Variants in MAP3K4 observed in about 807,000 individuals in gnomAD.
MAP3K4 encodes the protein mitogen-activated protein kinase kinase kinase 4, also known as MAP three kinase 1.
A neutral mutation model predicts 185.6 loss-of-function variants in MAP3K4; 67 were observed. That is an observed-to-expected ratio of 0.36 (90% CI 0.30 to 0.44). The LOEUF (loss-of-function observed/expected upper bound fraction) is 0.44, where lower values mean the gene tolerates loss of function less well. Among genes scored for constraint, MAP3K4 ranks in the 20% least tolerant of loss-of-function variants. The pLI is 1.00. For missense variants in MAP3K4, 1,551 were observed against 1,995.1 expected, an observed-to-expected ratio of 0.78 and a Z score of 4.24; for synonymous variants, 702 against 710.4, an observed-to-expected ratio of 0.99 and a Z score of 0.19.
At position 161,084,218 on chromosome 6, in the gene MAP3K4, AATAAC is replaced by A; in HGVS notation, c.2256-280_2256-276del. Among the ~76,000 whole-genome samples the A allele has an allele frequency of 6.6e-6, 1 of 152,206 alleles. No individual in the cohort carries two copies. Among genetic ancestry groups the A allele is most frequent in the East Asian group, 1.9e-4 (1 of 5,202 alleles). On this transcript the variant is annotated intron_variant, in intron 6 of 26. Transcript: ENST00000392142. This position sits in a 1 kb window ranked among gnomAD's most constrained non-coding sequence, Gnocchi z 4.6. ...TATGGAAAATTTCCATTTAGATGGAAATAACATTTGTGTACTAATTCCATAGCTAC... is the reference window on the plus strand; with the variant it reads ...TATGGAAAATTTCCATTTAGATGGAAATTTGTGTACTAATTCCATAGCTAC...
chr6:161,024,754 G>C (rs557249581), intron 1 of MAP3K4, among the ~76,000 whole-genome samples: 2 of 152,234 alleles, frequency 1.3e-5, no homozygotes, highest in East Asian at 3.9e-4. Context: ...TGTTAAGCTT[G>C]ATCGCCTGTT....
At chr6:161,025,424 G>A (rs899937712) in intron 1 of MAP3K4, among the ~76,000 whole-genome samples, 5 of 152,260 alleles carry the variant, frequency 3.3e-5, no homozygotes, top group South Asian at 2.1e-4. Context: ...TCCGTTTTCC[G>A]TCACCAAATA....
intron 2 of MAP3K4, among the ~76,000 whole-genome samples, chr6:161,038,189 A>G (rs1783270660): frequency 6.6e-6 from 1 of 152,196 alleles, no homozygotes; most frequent in Non-Finnish European, 1.5e-5. Flanking sequence ...GAAGATGAAT[A>G]AGACCTAGTT....
Position 161,103,226 on chromosome 6 carries a change from A to G in MAP3K4, c.3856+447A>G, listed in dbSNP as rs1266810771. On this transcript the variant is annotated intron_variant, in intron 19 of 26. Coordinates refer to ENST00000392142, the MANE Select transcript of MAP3K4 (RefSeq NM_005922.4). The surrounding 1 kb of genome is among the most constrained non-coding windows in gnomAD (Gnocchi z 4.6). Reference sequence around the variant, plus strand: ...GCTTTCATGTCTTTTTTTGCTCAACAATATTGAGCAGTAGGCAAAATAGAT... The same window carrying G: ...GCTTTCATGTCTTTTTTTGCTCAACGATATTGAGCAGTAGGCAAAATAGAT... 6.6e-6 allele frequency among the ~76,000 whole-genome samples: 1 copy of G among 152,166 alleles called. No homozygotes were observed. The highest frequency in any genetic ancestry group is 1.5e-5 in the Non-Finnish European group (1 of 68,028).
In MAP3K4 at chr6:161,107,087, G is replaced by A. The variant is rs2114909781; in HGVS notation, c.4048+382G>A. Among the ~76,000 whole-genome samples the A allele has an allele frequency of 6.7e-6, 1 of 148,230 alleles. No individual in the cohort carries two copies. The highest frequency in any genetic ancestry group is 1.5e-5 in the Non-Finnish European group (1 of 67,892). On this transcript the variant is annotated intron_variant, in intron 20 of 26. Transcript: ENST00000392142. This position sits in a 1 kb window ranked among gnomAD's most constrained non-coding sequence, Gnocchi z 6.2. ...ACACACACACACACACACGCAGAAC[G>A]TGATTTGAAGAGAGACTGGATACAA...
At chr6:161,028,864 T>TA in intron 1 of MAP3K4, among the ~76,000 whole-genome samples, 1 of 152,308 alleles carries the variant, frequency 6.6e-6, no homozygotes, top group East Asian at 1.9e-4. Flanking sequence ...TGTTCAGCTG[T>TA]AGATTGATGA....
At chr6:161,015,014 T>C (rs577082542) in intron 1 of MAP3K4, among the ~76,000 whole-genome samples, 1 of 152,212 alleles carries the variant, frequency 6.6e-6, no homozygotes, top group South Asian at 2.1e-4. Context: ...TCATATAATA[T>C]GTGGGTTTTT....
intron 1 of MAP3K4, among the ~76,000 whole-genome samples, chr6:161,006,716 A>C (rs1242965949): frequency 6.6e-6 from 1 of 152,204 alleles, no homozygotes; most frequent in Non-Finnish European, 1.5e-5. Context: ...CAGAATATAC[A>C]CTCACATAAT....
chr6:161,015,296 T>C (rs1401426422), intron 1 of MAP3K4, among the ~76,000 whole-genome samples: 1 of 148,350 alleles, frequency 6.7e-6, no homozygotes, highest in African/African-American at 2.5e-5. Context: ...CAGCACACAC[T>C]GGGGCCTGTT....
chr6:161,003,812 G>T (rs1781445240), intron 1 of MAP3K4, among the ~76,000 whole-genome samples: 1 of 152,018 alleles, frequency 6.6e-6, no homozygotes, highest in Non-Finnish European at 1.5e-5. Context: ...TGTTGTACAA[G>T]ACAAGATTAA....
At position 160,991,964 on chromosome 6, in the gene MAP3K4, T is replaced by C; in HGVS notation, c.33T>C (p.Pro11=). 6.5e-7 allele frequency: 1 copy of C among 1,541,966 alleles called. No individual in the cohort carries two copies. Among genetic ancestry groups the C allele is most frequent in the Non-Finnish European group, 8.7e-7 (1 of 1,152,792 alleles). MREAAAALVP[P]PAFAVTPAAA... Reference sequence around the variant, plus strand: ...AAGCCGCTGCCGCGCTGGTCCCTCCTCCCGCCTTTGCCGTCACGCCTGCCG... The same window carrying C: ...AAGCCGCTGCCGCGCTGGTCCCTCCCCCCGCCTTTGCCGTCACGCCTGCCG... The change falls in exon 1 of 27, where the codon CCT becomes CCC. Residue 11 remains proline (P), a synonymous_variant. Coordinates refer to ENST00000392142, the MANE Select transcript of MAP3K4 (RefSeq NM_005922.4). This position sits in a 1 kb window ranked among gnomAD's most constrained non-coding sequence, Gnocchi z 5.7.
In MAP3K4 at chr6:161,037,944, T is replaced by C. The variant is rs114040728; in HGVS notation, c.343+3495T>C. 0.026 allele frequency among the ~76,000 whole-genome samples: 4,004 copies of C among 152,268 alleles called. 189 individuals carry two copies. Among genetic ancestry groups the C allele is most frequent in the African/African-American group, 0.092 (3,823 of 41,534 alleles). ...TGTATGTCTTCCTAGTCCTTCGCTT[T>C]ATCTCACTACATAATGCTGCTAGTA... On this transcript the variant is annotated intron_variant, in intron 2 of 26. Transcript: ENST00000392142. This position sits in a 1 kb window ranked among gnomAD's most constrained non-coding sequence, Gnocchi z 4.2.
At chr6:161,024,918 C>T (rs781543984) in intron 1 of MAP3K4, among the ~76,000 whole-genome samples, 4 of 152,002 alleles carry the variant, frequency 2.6e-5, no homozygotes, top group Admixed American at 1.3e-4. Context: ...ACAGGAGATA[C>T]GTATGTATGT....
intron 1 of MAP3K4, among the ~76,000 whole-genome samples, chr6:161,005,621 T>C (rs567660909): frequency 1.3e-5 from 2 of 152,302 alleles, no homozygotes; most frequent in African/African-American, 2.4e-5. Context: ...ATGATTAAAT[T>C]TGTTTAAATA....
chr6:161,004,749 G>A (rs925433151), intron 1 of MAP3K4, among the ~76,000 whole-genome samples: 2 of 152,150 alleles, frequency 1.3e-5, no homozygotes, highest in African/African-American at 2.4e-5. Flanking sequence ...TAACATGATC[G>A]TCAAGAAACT....
In MAP3K4 at chr6:161,093,401, G is replaced by A. The variant is rs1387756168; in HGVS notation, c.3348+345G>A. Among the ~76,000 whole-genome samples, 1 of 152,152 alleles carries A rather than the reference G, an allele frequency of 6.6e-6. No individual in the cohort carries two copies. The highest frequency in any genetic ancestry group is 1.9e-4 in the East Asian group (1 of 5,198). On this transcript the variant is annotated intron_variant, in intron 14 of 26. Transcript: ENST00000392142. This position sits in a 1 kb window ranked among gnomAD's most constrained non-coding sequence, Gnocchi z 5.2. ...GTGTGCATCATTTTGAGAGCATCAT[G>A]CTCGTGTTAAATATTATCACTGTTA...
rs1778498076 is a variant in MAP3K4, at chr6:161,114,308, C to T, written c.4627-815C>T. Among the ~76,000 whole-genome samples, 1 of 152,136 alleles carries T rather than the reference C, an allele frequency of 6.6e-6. No homozygotes were observed. The highest frequency in any genetic ancestry group is 2.4e-5 in the African/African-American group (1 of 41,432). On this transcript the variant is annotated intron_variant, in intron 25 of 26. Coordinates refer to ENST00000392142, the MANE Select transcript of MAP3K4 (RefSeq NM_005922.4). The surrounding 1 kb of genome is among the most constrained non-coding windows in gnomAD (Gnocchi z 4.3). ...GACACGCATGAACTGCACATGGTAG[C>T]TTACCGTACACATACAGTATTATAG...
In MAP3K4 at chr6:161,107,281, G is replaced by T. The variant is rs1778128027; in HGVS notation, c.4048+576G>T. On this transcript the variant is annotated intron_variant, in intron 20 of 26. Transcript: ENST00000392142. The surrounding 1 kb of genome is among the most constrained non-coding windows in gnomAD (Gnocchi z 6.2). ...CTGTCACACATCTAGGTCTGAAGGGGGCGAACACAGTTGTATGAATAATAT... is the reference window on the plus strand; with the variant it reads ...CTGTCACACATCTAGGTCTGAAGGGTGCGAACACAGTTGTATGAATAATAT... Among the ~76,000 whole-genome samples the T allele has an allele frequency of 6.6e-6, 1 of 152,116 alleles. No individual in the cohort carries two copies. Among genetic ancestry groups the T allele is most frequent in the Non-Finnish European group, 1.5e-5 (1 of 68,024 alleles).
In MAP3K4 at chr6:161,111,897, A is replaced by T. The variant is rs554005565; in HGVS notation, c.4458A>T (p.Val1486=). The T allele has an allele frequency of 1.9e-6, 3 of 1,614,168 alleles. No individual in the cohort carries two copies. The South Asian group carries it at 3.3e-5, about 18-fold the overall frequency. ...LIKLGDFGCS[V]KLKNNAQTMP... ...AACTGGGAGATTTTGGATGTTCAGT[A>T]AAGCTCAAAAACAATGCCCAGACCA... is the stretch of plus-strand genomic sequence containing the variant. The change falls in exon 24 of 27, where the codon GTA becomes GTT. Residue 1486 remains valine, a synonymous_variant. Transcript: ENST00000392142.
Sources: gnomAD v4.1 joint callset for allele counts (sites outside exome capture counted in the v4.1 genomes callset) on GRCh38, gnomAD v4.1.1 for gene constraint, Gnocchi (gnomAD v3.1) non-coding constraint, MANE v1.5 for transcripts, NCBI Gene and HGNC (gene_info 2026-07-23, HGNC 2026-07-21) for gene names.